TTC29: variants seen among roughly 807,000 people sequenced by gnomAD.
The protein encoded by TTC29 is tetratricopeptide repeat protein 29.
A neutral mutation model predicts 58.1 loss-of-function variants in TTC29; 49 were observed. The observed-to-expected ratio is 0.84, with a 90% CI of 0.67 to 1.07. TTC29 has a LOEUF of 1.07. Ranked by LOEUF, TTC29 falls within the 50% of genes least tolerant of loss-of-function variation. The pLI is 0.00. For synonymous variants in TTC29, 209 were observed against 196.8 expected, an observed-to-expected ratio of 1.06 and a Z score of -0.52; for missense variants, 582 against 555.6, an observed-to-expected ratio of 1.05 and a Z score of -0.48.
chr4:146,758,575 G>A lies in TTC29; in HGVS notation c.1330+44882C>T, dbSNP rs919145145. On this transcript the variant is annotated intron_variant, in intron 11 of 12. Coordinates refer to ENST00000325106, the MANE Select transcript of TTC29 (RefSeq NM_031956.4). ...AGCGCATGGAACTTTCTCCAAGATAGACCATAAGATAGGCCATAAAACAAG... is the reference window on the plus strand; with the variant it reads ...AGCGCATGGAACTTTCTCCAAGATAAACCATAAGATAGGCCATAAAACAAG... Among the ~76,000 whole-genome samples the A allele has an allele frequency of 4.6e-5, 7 of 152,168 alleles. No individual in the cohort carries two copies. The South Asian group carries it at 6.2e-4, about 14-fold the overall frequency.
chr4:146,878,071 T>A (rs2150228426), intron 6 of TTC29, among the ~76,000 whole-genome samples: 1 of 152,142 alleles, frequency 6.6e-6, no homozygotes, highest in African/African-American at 2.4e-5. Context: ...CCTTACTGAG[T>A]CTTGGGTTGC....
At chr4:146,803,757 C>T in intron 10 of TTC29, 72 bp from the exon 11 acceptor site, 2 of 1,241,088 alleles carry the variant, frequency 1.6e-6, no homozygotes, top group Non-Finnish European at 1.1e-6. Context: ...CTGACCTTAC[C>T]CTGGCATGTC....
rs372545847 is a variant in TTC29, at chr4:146,786,326, C to T, written c.1330+17131G>A. 4.3e-4 allele frequency among the ~76,000 whole-genome samples: 66 copies of T among 152,326 alleles called. 1 individual carries two copies. The East Asian group carries it at 8.1e-3, about 19-fold the overall frequency. ...CAGGCAACACTTTGGGTAATAATTACGCCTGTGTTTGAAATATGTGCTTTA... is the reference window on the plus strand; with the variant it reads ...CAGGCAACACTTTGGGTAATAATTATGCCTGTGTTTGAAATATGTGCTTTA... On this transcript the variant is annotated intron_variant, in intron 11 of 12. Transcript: ENST00000325106.
At chr4:146,849,672 GA>G (rs375432427) in intron 8 of TTC29, among the ~76,000 whole-genome samples, 396 of 145,116 alleles carry the variant, frequency 2.7e-3, no homozygotes, top group Non-Finnish European at 3.3e-3. Flanking sequence ...TTTTCACTTA[GA>G]AAAAAAAAAA....
At chr4:146,862,609 C>T (rs1367568696) in intron 8 of TTC29, among the ~76,000 whole-genome samples, 2 of 152,178 alleles carry the variant, frequency 1.3e-5, no homozygotes, top group East Asian at 3.9e-4. Context: ...AAATGTTGTG[C>T]TTGGCTTCTG....
intron 11 of TTC29, among the ~76,000 whole-genome samples, chr4:146,737,871 C>G (rs538899018): frequency 6.6e-6 from 1 of 152,222 alleles, no homozygotes; most frequent in African/African-American, 2.4e-5. Flanking sequence ...GGTCCTAAGA[C>G]CAGGGCTGTG....
Position 146,716,508 on chromosome 4 carries a change from G to A in TTC29, c.1331-8957C>T, listed in dbSNP as rs893990922. 2.6e-5 allele frequency among the ~76,000 whole-genome samples: 4 copies of A among 152,070 alleles called. No individual in the cohort carries two copies. In the East Asian group the frequency reaches 7.7e-4, roughly 29 times the overall value. The stretch of plus-strand genomic sequence containing the variant: ...TTGATGGGTTTGGAGCTAAGTATAT[G>A]TCTGTGAAACCATTCAAAATCTATG... On this transcript the variant is annotated intron_variant, in intron 11 of 12. Coordinates refer to ENST00000325106, the MANE Select transcript of TTC29 (RefSeq NM_031956.4).
At chr4:146,801,144 T>A (rs1191359322) in intron 11 of TTC29, among the ~76,000 whole-genome samples, 1 of 152,136 alleles carries the variant, frequency 6.6e-6, no homozygotes, top group Non-Finnish European at 1.5e-5. Context: ...AAGCTTGTAT[T>A]TAATGAACAG....
At chr4:146,848,808 T>A (rs966995046) in intron 8 of TTC29, among the ~76,000 whole-genome samples, 1 of 152,298 alleles carries the variant, frequency 6.6e-6, no homozygotes, top group East Asian at 1.9e-4. Context: ...CCTGTACCTG[T>A]CCCCAGGACT....
intron 11 of TTC29, among the ~76,000 whole-genome samples, chr4:146,782,969 C>G (rs1204879180): frequency 6.6e-6 from 1 of 152,006 alleles, no homozygotes; most frequent in Non-Finnish European, 1.5e-5. Context: ...GGAGAGGAAG[C>G]AGTTCAGCAT....
intron 9 of TTC29, among the ~76,000 whole-genome samples, chr4:146,830,659 A>G (rs1331026201): frequency 6.6e-6 from 1 of 152,164 alleles, no homozygotes; most frequent in East Asian, 1.9e-4. Flanking sequence ...AGCTGCCACC[A>G]CCATAATTTC....
intron 10 of TTC29, among the ~76,000 whole-genome samples, chr4:146,811,651 A>T (rs1751032553): frequency 6.6e-6 from 1 of 152,242 alleles, no homozygotes; most frequent in Non-Finnish European, 1.5e-5. Context: ...AAATGAACAT[A>T]AAAACAACAC....
chr4:146,849,795 G>A (rs998673328), intron 8 of TTC29, among the ~76,000 whole-genome samples: 1 of 152,008 alleles, frequency 6.6e-6, no homozygotes, highest in Non-Finnish European at 1.5e-5. Context: ...CAGGCACACT[G>A]CCACCTTAAG....
chr4:146,830,845 T>C (rs1036912453), intron 9 of TTC29, among the ~76,000 whole-genome samples: 4 of 152,186 alleles, frequency 2.6e-5, no homozygotes, highest in Non-Finnish European at 4.4e-5. Flanking sequence ...TCAAGCAAAA[T>C]GTTCTAAAAA....
At chr4:146,763,558 G>A (rs985692857) in intron 11 of TTC29, among the ~76,000 whole-genome samples, 5 of 152,078 alleles carry the variant, frequency 3.3e-5, no homozygotes, top group African/African-American at 1.2e-4. Context: ...AGGGTGATGA[G>A]CAATTGAATT....
At chr4:146,944,328 C>T (rs781388239) in intron 2 of TTC29, 10 of 152,248 alleles carry the variant, frequency 6.6e-5, no homozygotes, top group Non-Finnish European at 1.2e-4. Flanking sequence ...ATCACAGCTA[C>T]AATCTCTAAG....
At chr4:146,788,843 G>A (rs1278034128) in intron 11 of TTC29, among the ~76,000 whole-genome samples, 1 of 152,076 alleles carries the variant, frequency 6.6e-6, no homozygotes, top group Non-Finnish European at 1.5e-5. Context: ...ACTTTTGGAA[G>A]GGGAAAGGAA....
chr4:146,751,377 C>T (rs887617717), intron 11 of TTC29, among the ~76,000 whole-genome samples: 21 of 152,144 alleles, frequency 1.4e-4, no homozygotes, highest in Admixed American at 5.9e-4. Context: ...CAAACATATA[C>T]AGAACTTTCC....
chr4:146,781,286 T>G (rs769536717), intron 11 of TTC29, among the ~76,000 whole-genome samples: 1 of 151,928 alleles, frequency 6.6e-6, no homozygotes, highest in Non-Finnish European at 1.5e-5. Context: ...AATCAAAAGA[T>G]ATATACTTGA....
Sources: allele counts gnomAD v4.1 joint callset (sites outside exome capture counted in the v4.1 genomes callset), GRCh38; gene constraint gnomAD v4.1.1; transcripts MANE v1.5; gene names NCBI Gene and HGNC (gene_info 2026-07-23, HGNC 2026-07-21).